The following ZNF91 variants were observed in gnomAD, a reference collection of about 807,000 sequenced individuals.
The protein encoded by ZNF91 is zinc finger protein 91 (HPF7, HTF10).
In ZNF91, 7 loss-of-function variants were observed where a neutral mutation model predicts 12.6. The ratio of observed to expected loss-of-function variants is 0.55; its 90% CI spans 0.31 to 1.04. ZNF91 has a LOEUF of 1.04. ZNF91 is among the 50% of genes least tolerant of loss of function. The pLI, the probability that ZNF91 is intolerant of heterozygous loss-of-function variation, is 0.05. For missense variants in ZNF91, 1,217 were observed against 1,385.4 expected, an observed-to-expected ratio of 0.88 and a Z score of 1.93; for synonymous variants, 453 against 462.6, an observed-to-expected ratio of 0.98 and a Z score of 0.27.
intron 3 of ZNF91, among the ~76,000 whole-genome samples, chr19:23,364,725 TTA>T (rs1968935589): frequency 6.6e-6 from 1 of 152,134 alleles, no homozygotes; most frequent in Non-Finnish European, 1.5e-5. Context: ...TATAAGAATT[TTA>T]TGACTACTCA....
chr19:23,334,501 G>T (rs1248326074), downstream of ZNF91, among the ~76,000 whole-genome samples: 13 of 152,166 alleles, frequency 8.5e-5, no homozygotes, highest in East Asian at 1.9e-4. Context: ...TTTTTAAAAA[G>T]AGACTTTTCA....
At chr19:23,330,576 T>C (rs1297558218) in intron 1 of ZNF91, among the ~76,000 whole-genome samples, 1 of 152,126 alleles carries the variant, frequency 6.6e-6, no homozygotes, top group Non-Finnish European at 1.5e-5. Flanking sequence ...GAATATGATT[T>C]TTCATCTCTT....
chr19:23,319,702 G>A (rs539946612), intron 1 of ZNF91, among the ~76,000 whole-genome samples: 6 of 152,282 alleles, frequency 3.9e-5, no homozygotes, highest in East Asian at 1.9e-4. Context: ...TCTTGAATAC[G>A]TAGATCATTG....
chr19:23,351,115 C>G (rs1435672238), intron 3 of ZNF91, among the ~76,000 whole-genome samples: 1 of 152,114 alleles, frequency 6.6e-6, no homozygotes, highest in Non-Finnish European at 1.5e-5. Context: ...CACCTGAGGT[C>G]AGGAGTTTGA....
Position 23,358,092 on chromosome 19 carries a change from T to C in ZNF91, c.*1311A>G, listed in dbSNP as rs940110782. On this transcript the variant is annotated 3_prime_UTR_variant, in exon 4 of 4. Coordinates refer to ENST00000300619, the MANE Select transcript of ZNF91 (RefSeq NM_003430.4). The stretch of plus-strand genomic sequence containing the variant: ...ATTATCTTACCAAATAGTGTATTTT[T>C]ACCATCTTTTACCTACACCCTTGAG... 6.6e-6 allele frequency: 1 copy of C among 152,204 alleles called. No individual in the cohort carries two copies. Among genetic ancestry groups the C allele is most frequent in the African/African-American group, 2.4e-5 (1 of 41,468 alleles). 9.4% of individuals were successfully genotyped at this position (152,204 alleles called of 1,614,324 possible).
intron 1 of ZNF91, among the ~76,000 whole-genome samples, chr19:23,386,228 T>G (rs569573726): frequency 1.6e-4 from 24 of 152,158 alleles, no homozygotes; most frequent in Non-Finnish European, 2.6e-4. Context: ...AAAGTGATCA[T>G]ACTGTCCTCC....
At chr19:23,329,794 T>C (rs1967894596) in intron 1 of ZNF91, among the ~76,000 whole-genome samples, 1 of 152,130 alleles carries the variant, frequency 6.6e-6, no homozygotes, top group South Asian at 2.1e-4. Flanking sequence ...GTCTGCTGAG[T>C]TGGTACATGC....
At chr19:23,377,399 A>C (rs1390044327) in intron 1 of ZNF91, among the ~76,000 whole-genome samples, 2 of 152,208 alleles carry the variant, frequency 1.3e-5, no homozygotes, top group African/African-American at 4.8e-5. Flanking sequence ...TAGAATCCTG[A>C]GCTTATAACC....
At chr19:23,391,932 A>G (rs138217052) in intron 1 of ZNF91, among the ~76,000 whole-genome samples, 38 of 152,342 alleles carry the variant, frequency 2.5e-4, no homozygotes, top group African/African-American at 8.2e-4. Flanking sequence ...TTTTGAAACT[A>G]TAACTAGGTG....
chr19:23,348,703 A>G (rs1189664555), intron 3 of ZNF91, among the ~76,000 whole-genome samples: 1 of 152,212 alleles, frequency 6.6e-6, no homozygotes, highest in Non-Finnish European at 1.5e-5. Context: ...ATTTTCAGGG[A>G]ACAAGGAAAG....
rs1156729498 is a variant in ZNF91 at position 23,361,682 on chromosome 19, G to T, written c.1297C>A (p.Pro433Thr). 6.2e-7 allele frequency: 1 copy of T among 1,611,728 alleles called. No homozygotes were observed. The highest frequency in any genetic ancestry group is 1.3e-5 in the African/African-American group (1 of 74,624). The change falls in exon 4 of 4, where the codon CCT (proline) becomes ACT (threonine). Residue 433 changes from proline (P) to threonine (T), a missense_variant. By Grantham distance (38) the Pro-to-Thr change is conservative. Around this residue, in one of 2 missense-constraint regions of ZNF91, gnomAD observed 726 missense variants for 895.5 expected, o/e 0.81. Transcript: ENST00000300619. Reference sequence around the variant, plus strand: ...TTGCCACATTCTTCACACTTGTAAGGTTTCTCTCCAGTATGAATAAACTTA... The same window carrying T: ...TTGCCACATTCTTCACACTTGTAAGTTTTCTCTCCAGTATGAATAAACTTA... ...IHKFIHTGEK[P>T]YKCEECGKAF...
At chr19:23,384,087 C>T (rs111627920) in intron 1 of ZNF91, among the ~76,000 whole-genome samples, 19,415 of 151,844 alleles carry the variant, frequency 0.13, 2,025 homozygotes, top group East Asian at 0.43. Context: ...CCAGCCTGGG[C>T]GACAAAGCAA....
intron 1 of ZNF91, chr19:23,328,371 A>G (rs1472356569): frequency 6.6e-6 from 1 of 152,210 alleles, no homozygotes; most frequent in Admixed American, 6.5e-5. Flanking sequence ...CTAATATCTG[A>G]AGGATGTGTG....
At chr19:23,317,948 GACAT>G (rs1967602836) in intron 1 of ZNF91, among the ~76,000 whole-genome samples, 1 of 152,132 alleles carries the variant, frequency 6.6e-6, no homozygotes, top group African/African-American at 2.4e-5. Context: ...GAGATTGTGT[GACAT>G]ACACCTCTGT....
intron 1 of ZNF91, chr19:23,326,015 C>T (rs1255634852): frequency 1.3e-5 from 2 of 152,312 alleles, no homozygotes; most frequent in East Asian, 1.9e-4. Flanking sequence ...CTGTCTTCCA[C>T]ATCACTGCCA....
intron 1 of ZNF91, among the ~76,000 whole-genome samples, chr19:23,376,669 G>T (rs139422508): frequency 0.025 from 3,848 of 152,116 alleles, 167 homozygotes; most frequent in African/African-American, 0.088. Context: ...GATTACAGAC[G>T]TGAGCCACCA....
intron 1 of ZNF91, among the ~76,000 whole-genome samples, chr19:23,378,290 T>C (rs1042194550): frequency 2.0e-5 from 3 of 152,212 alleles, no homozygotes; most frequent in African/African-American, 7.2e-5. Context: ...CTCTACTAGT[T>C]AGTTCTGCGA....
At chr19:23,376,261 A>C (rs1298994387) in intron 1 of ZNF91, among the ~76,000 whole-genome samples, 1 of 152,240 alleles carries the variant, frequency 6.6e-6, no homozygotes, top group East Asian at 1.9e-4. Context: ...AACATTTTTA[A>C]TATTGCAGAT....
intron 1 of ZNF91, among the ~76,000 whole-genome samples, chr19:23,376,604 GT>G (rs1969512510): frequency 6.6e-6 from 1 of 151,982 alleles, no homozygotes; most frequent in African/African-American, 2.4e-5. Flanking sequence ...GGTCACACTG[GT>G]CTCAAACTGC....
Sources: gnomAD v4.1 joint callset for allele counts (sites outside exome capture counted in the v4.1 genomes callset) on GRCh38, gnomAD v4.1.1 for gene constraint, gnomAD v4.1.1 regional missense constraint, MANE v1.5 for transcripts, NCBI Gene and HGNC (gene_info 2026-07-23, HGNC 2026-07-21) for gene names.